The following VRK2 variants were observed in gnomAD, a reference collection of about 807,000 sequenced individuals.
VRK2 encodes serine/threonine-protein kinase VRK2.
Under a neutral mutation model 57.6 loss-of-function variants are expected in VRK2, and 60 were observed. That is an observed-to-expected ratio of 1.04 (90% CI 0.85 to 1.29). The LOEUF is 1.29. VRK2 is among the 50% of genes most tolerant of loss of function. The pLI, the probability that VRK2 is intolerant of heterozygous loss-of-function variation, is 0.00. For missense variants in VRK2, 705 were observed against 588.1 expected (o/e 1.20, Z -2.06); for synonymous variants, 231 against 199.2 (o/e 1.16, Z -1.35).
At chr2:57,933,254 G>C (rs1430909032) in intron 1 of VRK2, among the ~76,000 whole-genome samples, 1 of 147,076 alleles carries the variant, frequency 6.8e-6, no homozygotes, top group Non-Finnish European at 1.5e-5. Flanking sequence ...ATTGTTGAAA[G>C]TTGGGTGTTG....
At chr2:57,957,711 A>G (rs1448815796) in intron 1 of VRK2, among the ~76,000 whole-genome samples, 2 of 151,098 alleles carry the variant, frequency 1.3e-5, no homozygotes, top group Non-Finnish European at 1.5e-5. Context: ...TTACCAACTG[A>G]AATAGTGAAT....
intron 7 of VRK2, among the ~76,000 whole-genome samples, chr2:58,095,211 G>A (rs546652322): frequency 4.0e-5 from 6 of 151,296 alleles, no homozygotes; most frequent in South Asian, 2.1e-4. Context: ...GGAGAATGGC[G>A]TGAACCCGGG....
intron 7 of VRK2, among the ~76,000 whole-genome samples, chr2:58,101,563 A>G (rs1262428696): frequency 6.6e-6 from 1 of 151,720 alleles, no homozygotes; most frequent in East Asian, 1.9e-4. Flanking sequence ...TTCTAATTGT[A>G]CTTAAGCTCT....
rs1489527011 is a variant in VRK2, at chr2:58,048,979, C to T, written c.136+12C>T. On this transcript the variant is annotated intron_variant, in intron 2 of 12. Transcript: ENST00000340157. ...ATTGATATATTTAGGTAAAGTAAAA[C>T]CTTAAATTAACAATTATTCTTATAT... 1 of 1,606,400 alleles carries T rather than the reference C, an allele frequency of 6.2e-7. No homozygotes were observed. Among genetic ancestry groups the T allele is most frequent in the South Asian group, 1.1e-5 (1 of 89,660 alleles).
intron 1 of VRK2, among the ~76,000 whole-genome samples, chr2:57,928,827 G>A (rs79477059): frequency 0.07 from 10,704 of 152,268 alleles, 428 homozygotes; most frequent in Non-Finnish European, 0.091. Flanking sequence ...TACCTTGGTG[G>A]TCTTGGATAA....
At chr2:58,005,192 C>G (rs1326326995) in intron 1 of VRK2, among the ~76,000 whole-genome samples, 1 of 152,124 alleles carries the variant, frequency 6.6e-6, no homozygotes, top group Admixed American at 6.6e-5. Flanking sequence ...TATGCAAAAA[C>G]TATTTTGTCA....
intron 1 of VRK2, 139 bp downstream of exon 1, chr2:58,047,007 G>A: frequency 2.0e-6 from 2 of 980,480 alleles, no homozygotes; most frequent in Non-Finnish European, 2.4e-6. Flanking sequence ...CCGGGCCTCA[G>A]CTCCGGCCCG....
At chr2:58,109,771 A>C (rs926602763) in intron 7 of VRK2, among the ~76,000 whole-genome samples, 1 of 152,206 alleles carries the variant, frequency 6.6e-6, no homozygotes, top group African/African-American at 2.4e-5. Flanking sequence ...GGGTGGAGAC[A>C]CAGCCAAACC....
At chr2:58,017,823 T>C (rs534144649) in intron 1 of VRK2, among the ~76,000 whole-genome samples, 2 of 152,322 alleles carry the variant, frequency 1.3e-5, no homozygotes, top group Admixed American at 1.3e-4. Context: ...AGCTAGTCTC[T>C]TAGATTTGTT....
intron 7 of VRK2, among the ~76,000 whole-genome samples, chr2:58,109,790 T>G (rs1675289199): frequency 6.6e-6 from 1 of 152,086 alleles, no homozygotes. Flanking sequence ...CCATTTCAGG[T>G]TCTACATATA....
intron 1 of VRK2, among the ~76,000 whole-genome samples, chr2:57,987,220 C>G (rs1672624263): frequency 1.3e-5 from 2 of 151,896 alleles, no homozygotes; most frequent in South Asian, 2.1e-4. Flanking sequence ...AATAAAACAA[C>G]AAACCACAAA....
chr2:57,981,552 C>T (rs996422024), intron 1 of VRK2, among the ~76,000 whole-genome samples: 5 of 152,006 alleles, frequency 3.3e-5, no homozygotes, highest in Non-Finnish European at 7.4e-5. Context: ...GGCAGGGGTT[C>T]CCTGAATTTT....
chr2:57,997,388 G>T (rs1348819085), intron 1 of VRK2, among the ~76,000 whole-genome samples: 1 of 152,038 alleles, frequency 6.6e-6, no homozygotes, highest in Non-Finnish European at 1.5e-5. Context: ...TCAGTGATGG[G>T]GAGTTGAGAG....
At chr2:58,075,225 G>A (rs1466391401) in intron 2 of VRK2, among the ~76,000 whole-genome samples, 1 of 151,972 alleles carries the variant, frequency 6.6e-6, no homozygotes, top group Non-Finnish European at 1.5e-5. Context: ...GACACGATCT[G>A]ATTCTTTTTT....
intron 1 of VRK2, among the ~76,000 whole-genome samples, chr2:57,912,638 G>C (rs372189916): frequency 2.0e-5 from 3 of 152,116 alleles, no homozygotes; most frequent in African/African-American, 7.2e-5. Flanking sequence ...GGTTTAGTTG[G>C]ATATTTGTAA....
intron 2 of VRK2, among the ~76,000 whole-genome samples, chr2:58,083,171 G>A (rs1164113407): frequency 6.6e-6 from 1 of 151,518 alleles, no homozygotes; most frequent in African/African-American, 2.4e-5. Flanking sequence ...CTTTCCTTCA[G>A]ATATCATCCA....
intron 2 of VRK2, among the ~76,000 whole-genome samples, chr2:58,078,568 G>A (rs1001952649): frequency 6.6e-5 from 10 of 151,976 alleles, no homozygotes; most frequent in Non-Finnish European, 1.0e-4. Flanking sequence ...TTGAGGAGCC[G>A]CCATACCATT....
chr2:58,123,050 A>G, intron 7 of VRK2, 51 bp from the exon 8 acceptor site: 1 of 1,554,426 alleles, frequency 6.4e-7, no homozygotes, highest in Non-Finnish European at 8.6e-7. Context: ...TATAAAGGTT[A>G]TGTTTTCAGA....
intron 1 of VRK2, chr2:58,047,464 C>T (rs914922509): frequency 1.0e-6 from 1 of 985,278 alleles, no homozygotes; most frequent in Admixed American, 6.1e-5. Flanking sequence ...GGACTCGCCC[C>T]CAGGATGTAC....
Sources: gnomAD v4.1 joint callset for allele counts (sites outside exome capture counted in the v4.1 genomes callset) on GRCh38, gnomAD v4.1.1 for gene constraint, MANE v1.5 for transcripts, NCBI Gene and HGNC (gene_info 2026-07-23, HGNC 2026-07-21) for gene names.